The following GSE1 variants were observed in gnomAD, a reference collection of about 807,000 sequenced individuals.
GSE1 encodes Gse1 coiled-coil protein.
Under a neutral mutation model 112.6 loss-of-function variants are expected in GSE1, and 32 were observed. The ratio of observed to expected loss-of-function variants is 0.28; its 90% confidence interval spans 0.21 to 0.38. The LOEUF (loss-of-function observed/expected upper bound fraction) is 0.38, where lower values mean the gene tolerates loss of function less well. Among genes scored for constraint, GSE1 ranks in the 10% least tolerant of loss-of-function variants. The probability of loss-of-function intolerance (pLI) is 1.00; values close to 1 mark genes in which losing one functional copy is unlikely to be tolerated. For missense variants in GSE1, 2,348 were observed against 1,699.2 expected, an observed-to-expected ratio of 1.38 and a Z score of -6.71; for synonymous variants, 1,115 against 735.6, an observed-to-expected ratio of 1.52 and a Z score of -8.35.
chr16:85,362,054 C>A (rs1247367143), intron 2 of GSE1, among the ~76,000 whole-genome samples: 5 of 152,136 alleles, frequency 3.3e-5, no homozygotes, highest in Non-Finnish European at 7.4e-5. Flanking sequence ...TTGCTGGCTG[C>A]CGGGAGTACA....
intron 3 of GSE1, among the ~76,000 whole-genome samples, chr16:85,650,648 G>T (rs909082866): frequency 6.6e-6 from 1 of 152,186 alleles, no homozygotes; most frequent in African/African-American, 2.4e-5. Flanking sequence ...GTGTACCACC[G>T]CGGCGCTTAA....
At chr16:85,302,802 G>A (rs1462206579) in intron 1 of GSE1, among the ~76,000 whole-genome samples, 2 of 152,178 alleles carry the variant, frequency 1.3e-5, no homozygotes, top group African/African-American at 2.4e-5. Flanking sequence ...GTCGAGGTGC[G>A]GTGTGCTGGG....
chr16:85,549,416 A>G (rs984175969), intron 2 of GSE1, among the ~76,000 whole-genome samples: 1 of 151,992 alleles, frequency 6.6e-6, no homozygotes, highest in South Asian at 2.1e-4. Flanking sequence ...GGGCTCAAGC[A>G]GTCCTTCCAC....
chr16:85,286,161 G>A (rs2045018320), intron 1 of GSE1, among the ~76,000 whole-genome samples: 1 of 152,244 alleles, frequency 6.6e-6, no homozygotes, highest in Admixed American at 6.5e-5. Context: ...GGGCGGTGAT[G>A]AACAAGTGCC....
At chr16:85,416,969 C>G (rs925154845) in intron 2 of GSE1, among the ~76,000 whole-genome samples, 1 of 148,356 alleles carries the variant, frequency 6.7e-6, no homozygotes, top group South Asian at 2.1e-4. Context: ...ATCCTCCCAT[C>G]TCAGCCTCCT....
At chr16:85,347,917 G>GGA in intron 1 of GSE1, among the ~76,000 whole-genome samples, 1 of 152,354 alleles carries the variant, frequency 6.6e-6, no homozygotes, top group South Asian at 2.1e-4. Flanking sequence ...AGCCCTCGAG[G>GGA]CCTTGAACCA....
chr16:85,529,240 C>G (rs1212094997), intron 2 of GSE1, among the ~76,000 whole-genome samples: 1 of 152,156 alleles, frequency 6.6e-6, no homozygotes. Flanking sequence ...GAAGCTGTGC[C>G]ATCGGTGTGT....
At chr16:85,478,066 C>T (rs777684930) in intron 2 of GSE1, among the ~76,000 whole-genome samples, 3 of 152,146 alleles carry the variant, frequency 2.0e-5, no homozygotes, top group East Asian at 1.9e-4. Flanking sequence ...TCCACTCATC[C>T]GCTTTCTGTC....
rs1026998416 is a variant in GSE1, at chr16:85,657,324, C to T, written c.1360C>T (p.Pro454Ser). 3 of 1,605,128 alleles carry T rather than the reference C, an allele frequency of 1.9e-6. No individual in the cohort carries two copies. Among genetic ancestry groups the T allele is most frequent in the Non-Finnish European group, 2.5e-6 (3 of 1,176,568 alleles). ...GCAGGCGCCCAAGCCCGTCCAACACCCCTTGCATCCGGTGCCCACCCCACA... is the reference window on the plus strand; with the variant it reads ...GCAGGCGCCCAAGCCCGTCCAACACTCCTTGCATCCGGTGCCCACCCCACA... ...GLQAPKPVQH[P>S]LHPVPTPHHT... The change falls in exon 8 of 16, where the codon CCC (proline) becomes TCC (serine). Residue 454 changes from proline to serine, a missense_variant. By Grantham distance (74) the Pro-to-Ser change is moderately conservative. Coordinates refer to ENST00000253458, the MANE Select transcript of GSE1 (RefSeq NM_014615.5).
rs1183780015 is a variant in GSE1, at chr16:85,673,079, TCAAAGCAACAAGTCCTAGGAGCACA to T, written c.*550_*574del. ...ATTTTACTTTCCTGCAAAATTTTCT[TCAAAGCAACAAGTCCTAGGAGCACA>T]CAAAGCAACCCAAAGGCTTTTCCCT... On this transcript the variant is annotated 3_prime_UTR_variant, in exon 16 of 16. Coordinates refer to ENST00000253458, the MANE Select transcript of GSE1 (RefSeq NM_014615.5). 6 of 144,278 alleles carry T rather than the reference TCAAAGCAACAAGTCCTAGGAGCACA, an allele frequency of 4.2e-5. No homozygotes were observed. The highest frequency in any genetic ancestry group is 7.3e-5 in the Non-Finnish European group (5 of 68,038). The allele number at this position is 144,278 out of a possible 1,614,324, so 8.9% of individuals were successfully genotyped here. A position where few individuals can be genotyped will look rare whatever the true frequency, so the allele number is the denominator to read the frequency against.
At chr16:85,630,443 A>C (rs2049446508) in intron 1 of GSE1, among the ~76,000 whole-genome samples, 1 of 152,168 alleles carries the variant, frequency 6.6e-6, no homozygotes, top group African/African-American at 2.4e-5. Context: ...TCCTGGGCTC[A>C]AATAATCCTC....
intron 1 of GSE1, among the ~76,000 whole-genome samples, chr16:85,289,183 C>G (rs1040546430): frequency 1.2e-4 from 19 of 152,204 alleles, no homozygotes; most frequent in Non-Finnish European, 1.3e-4. Context: ...CATATACAAA[C>G]AGGCATGACC....
chr16:85,299,002 C>T (rs1240712525), intron 1 of GSE1, among the ~76,000 whole-genome samples: 2 of 152,308 alleles, frequency 1.3e-5, no homozygotes, highest in South Asian at 2.1e-4. Context: ...CTGGAATGTC[C>T]GTCCTCGCTG....
intron 1 of GSE1, among the ~76,000 whole-genome samples, chr16:85,189,782 G>C (rs559357850): frequency 6.6e-6 from 1 of 152,194 alleles, no homozygotes; most frequent in Non-Finnish European, 1.5e-5. Flanking sequence ...ATTTTGTCTA[G>C]GTAGTCAAAT....
At chr16:85,579,597 G>GGATTCCCCAGACCTACGCCTGGGA (rs1365520311) in intron 1 of GSE1, among the ~76,000 whole-genome samples, 2 of 152,182 alleles carry the variant, frequency 1.3e-5, no homozygotes, top group Non-Finnish European at 2.9e-5. Context: ...GGGGCCTGGG[G>GGATTCCCCAGACCTACGCCTGGGA]GATTCCCCAG....
chr16:85,413,037 G>T (rs898563766), intron 2 of GSE1, among the ~76,000 whole-genome samples: 3 of 152,186 alleles, frequency 2.0e-5, no homozygotes, highest in Admixed American at 6.5e-5. Flanking sequence ...CTTCTGGAAG[G>T]TTCCGTGCTG....
In GSE1 at chr16:85,673,131, G is replaced by C. The variant is rs900251803; in HGVS notation, c.*592G>C. The stretch of plus-strand genomic sequence containing the variant: ...AAAGCAACCCAAAGGCTTTTCCCTG[G>C]AAAAGCTCTTTCTTACCTAAAGATA... On this transcript the variant is annotated 3_prime_UTR_variant, in exon 16 of 16. Transcript: ENST00000253458. 6.6e-6 allele frequency: 1 copy of C among 152,334 alleles called. No homozygotes were observed. The highest frequency in any genetic ancestry group is 2.4e-5 in the African/African-American group (1 of 41,414). 9.4% of individuals were successfully genotyped at this position (152,334 alleles called of 1,614,324 possible). A position where few individuals can be genotyped will look rare whatever the true frequency, so the allele number is the denominator to read the frequency against.
chr16:85,572,207 A>G (rs774596082), intron 1 of GSE1, among the ~76,000 whole-genome samples: 3 of 146,604 alleles, frequency 2.0e-5, no homozygotes, highest in African/African-American at 5.1e-5. Context: ...CAACACACAC[A>G]GCACGCACAC....
chr16:85,385,534 C>A (rs752282845), intron 2 of GSE1, among the ~76,000 whole-genome samples: 2 of 152,120 alleles, frequency 1.3e-5, no homozygotes, highest in Non-Finnish European at 2.9e-5. Context: ...GGAAGCCAAG[C>A]GGAGTTTGTG....
Sources: gnomAD v4.1 joint callset for allele counts (sites outside exome capture counted in the v4.1 genomes callset) on GRCh38, gnomAD v4.1.1 for gene constraint, MANE v1.5 for transcripts, NCBI Gene and HGNC (gene_info 2026-07-23, HGNC 2026-07-21) for gene names.